The following CDH8 variants were observed in gnomAD, a reference collection of about 807,000 sequenced individuals.
CDH8 encodes cadherin-8.
Under a neutral mutation model 68.1 loss-of-function variants are expected in CDH8, and 17 were observed. That is an observed-to-expected ratio of 0.25 (90% CI 0.17 to 0.37). The LOEUF is 0.37. CDH8 is among the 10% of genes least tolerant of loss of function. The pLI is 1.00. For missense variants in CDH8, 763 were observed against 999.3 expected (o/e 0.76, Z 3.19); for synonymous variants, 372 against 365.1 (o/e 1.02, Z -0.21).
intron 8 of CDH8, among the ~76,000 whole-genome samples, chr16:61,753,223 C>A (rs8061672): frequency 6.6e-6 from 1 of 151,272 alleles, no homozygotes; most frequent in South Asian, 2.1e-4. Flanking sequence ...TTATTATTGA[C>A]GCTTGATATT....
chr16:61,767,744 C>A (rs1960630088), intron 8 of CDH8, among the ~76,000 whole-genome samples: 1 of 151,904 alleles, frequency 6.6e-6, no homozygotes. Context: ...TGCTTCAGCA[C>A]AGACATGCAT....
At chr16:61,987,169 A>C (rs1965643685) in intron 2 of CDH8, among the ~76,000 whole-genome samples, 2 of 152,162 alleles carry the variant, frequency 1.3e-5, no homozygotes, top group African/African-American at 4.8e-5. Context: ...TTGGGTTTTC[A>C]CTGTGGATCA....
chr16:61,682,708 G>A (rs1964037201), intron 10 of CDH8, among the ~76,000 whole-genome samples: 1 of 151,724 alleles, frequency 6.6e-6, no homozygotes, highest in African/African-American at 2.4e-5. Context: ...TGTTTTGTTG[G>A]AAATGCTTGT....
chr16:61,867,681 A>T (rs745971824), intron 3 of CDH8, among the ~76,000 whole-genome samples: 3 of 152,084 alleles, frequency 2.0e-5, no homozygotes, highest in Non-Finnish European at 4.4e-5. Flanking sequence ...AGAGCTTTGT[A>T]ATATTCCCAA....
chr16:61,792,215 T>A (rs1961394224), intron 7 of CDH8, among the ~76,000 whole-genome samples: 1 of 152,022 alleles, frequency 6.6e-6, no homozygotes, highest in Admixed American at 6.6e-5. Flanking sequence ...ACAGACTTTA[T>A]GGGGTGAGTC....
chr16:62,016,131 T>C (rs1401803737), intron 2 of CDH8, among the ~76,000 whole-genome samples: 1 of 152,138 alleles, frequency 6.6e-6, no homozygotes, highest in Non-Finnish European at 1.5e-5. Flanking sequence ...GTTACTTCCT[T>C]TGGGAAGATT....
intron 3 of CDH8, among the ~76,000 whole-genome samples, chr16:61,895,784 T>C (rs1297361570): frequency 6.6e-6 from 1 of 152,206 alleles, no homozygotes; most frequent in African/African-American, 2.4e-5. Flanking sequence ...TGAATCATAC[T>C]GGTAGAAGTA....
intron 8 of CDH8, among the ~76,000 whole-genome samples, chr16:61,756,605 T>C (rs1960326424): frequency 6.6e-6 from 1 of 152,184 alleles, no homozygotes; most frequent in Admixed American, 6.6e-5. Flanking sequence ...TGTGGTACTA[T>C]CATATTTAAC....
At chr16:61,876,363 A>G (rs1412858282) in intron 3 of CDH8, among the ~76,000 whole-genome samples, 3 of 152,116 alleles carry the variant, frequency 2.0e-5, no homozygotes, top group Non-Finnish European at 2.9e-5. Context: ...AAATCCCTTA[A>G]CAGCTGAGAG....
chr16:61,768,559 A>C (rs961273436), intron 8 of CDH8, among the ~76,000 whole-genome samples: 2 of 151,412 alleles, frequency 1.3e-5, no homozygotes, highest in African/African-American at 4.8e-5. Flanking sequence ...CCTGGGAACA[A>C]TTTTGTCTCT....
rs552991487 is a variant in CDH8, at chr16:61,909,080, T to A, written c.253-7607A>T. ...AGAACATAGTATCCAACACTGGAAA[T>A]AACCTCTGCTCTACGAAAAAAAAAA... is the stretch of plus-strand genomic sequence containing the variant. On this transcript the variant is annotated intron_variant, in intron 2 of 11. Coordinates refer to ENST00000577390, the MANE Select transcript of CDH8 (RefSeq NM_001796.5). Among the ~76,000 whole-genome samples the A allele has an allele frequency of 9.9e-5, 15 of 152,020 alleles. No individual in the cohort carries two copies. In the South Asian group the frequency reaches 3.1e-3, roughly 32 times the overall value.
chr16:61,672,591 A>T (rs964675906), intron 10 of CDH8, among the ~76,000 whole-genome samples: 3 of 152,048 alleles, frequency 2.0e-5, no homozygotes, highest in African/African-American at 7.2e-5. Flanking sequence ...AATAGTAGTT[A>T]TTATTACCAT....
At chr16:61,763,079 G>C (rs1439028554) in intron 8 of CDH8, among the ~76,000 whole-genome samples, 1 of 152,126 alleles carries the variant, frequency 6.6e-6, no homozygotes, top group Non-Finnish European at 1.5e-5. Flanking sequence ...ATCTCATAAG[G>C]AGGCCACCCA....
In CDH8 at chr16:61,978,405, T is replaced by C. The variant is rs568650615; in HGVS notation, c.252+42747A>G. Among the ~76,000 whole-genome samples the C allele has an allele frequency of 2.6e-5, 4 of 152,300 alleles. No homozygotes were observed. In the East Asian group the frequency reaches 7.7e-4, roughly 29 times the overall value. Reference sequence around the variant, plus strand: ...CCATTGCTGTTGCTGATATTGGTAATAGTAGTGGTAGGGTTTTGTTTTTGT... The same window carrying C: ...CCATTGCTGTTGCTGATATTGGTAACAGTAGTGGTAGGGTTTTGTTTTTGT... On this transcript the variant is annotated intron_variant, in intron 2 of 11. Coordinates refer to ENST00000577390, the MANE Select transcript of CDH8 (RefSeq NM_001796.5).
intron 8 of CDH8, among the ~76,000 whole-genome samples, chr16:61,753,233 TTC>T (rs1012253584): frequency 8.1e-6 from 1 of 123,990 alleles, no homozygotes; most frequent in Non-Finnish European, 1.6e-5. Flanking sequence ...CGCTTGATAT[TTC>T]TTTCTTTTTT....
At chr16:61,826,508 T>C (rs1054728991) in intron 4 of CDH8, among the ~76,000 whole-genome samples, 1 of 151,926 alleles carries the variant, frequency 6.6e-6, no homozygotes, top group Admixed American at 6.6e-5. Flanking sequence ...GTTACATTTC[T>C]GGTCAAGCTA....
intron 4 of CDH8, among the ~76,000 whole-genome samples, chr16:61,825,560 C>T (rs1962312754): frequency 6.6e-6 from 1 of 151,784 alleles, no homozygotes; most frequent in African/African-American, 2.4e-5. Flanking sequence ...AATTCCCCCA[C>T]AGGAGGAGTA....
At chr16:61,940,939 T>TA (rs1567537311) in intron 2 of CDH8, among the ~76,000 whole-genome samples, 1 of 152,188 alleles carries the variant, frequency 6.6e-6, no homozygotes, top group Admixed American at 6.5e-5. Flanking sequence ...ATGATAATCA[T>TA]AAAAACAGTA....
chr16:61,794,560 C>T (rs543663622), intron 7 of CDH8, among the ~76,000 whole-genome samples: 25 of 152,138 alleles, frequency 1.6e-4, no homozygotes, highest in Non-Finnish European at 3.4e-4. Context: ...GATTCCCTGA[C>T]TTTTTCTAAG....
Sources: gnomAD v4.1 joint callset for allele counts (sites outside exome capture counted in the v4.1 genomes callset) on GRCh38, gnomAD v4.1.1 for gene constraint, MANE v1.5 for transcripts, NCBI Gene and HGNC (gene_info 2026-07-23, HGNC 2026-07-21) for gene names.